GPAT2: variants seen among roughly 807,000 people sequenced by gnomAD.
GPAT2 encodes the protein glycerol-3-phosphate acyltransferase 2, mitochondrial, also known as 1-acylglycerol-3-phosphate O-acyltransferase GPAT2.
In GPAT2, 51 loss-of-function variants were observed where a neutral mutation model predicts 71.0. The ratio of observed to expected loss-of-function variants is 0.72; its 90% CI spans 0.57 to 0.91. The LOEUF is 0.91. GPAT2 is among the 40% of genes least tolerant of loss of function. The pLI, the probability that GPAT2 is intolerant of heterozygous loss-of-function variation, is 0.00. For missense variants in GPAT2, 511 were observed against 666.0 expected (o/e 0.77, Z 2.56); for synonymous variants, 222 against 290.3 (o/e 0.76, Z 2.39).
rs1448447327 is a variant in GPAT2, at chr2:96,031,900, C to A, written c.177+133G>T. ...ACAACCAATACCAGTGCATCCATTC[C>A]CCTGAAAGACAGAAGCAGAGGCATG... On this transcript the variant is annotated intron_variant, in intron 3 of 21. Transcript: ENST00000434632. 142 of 1,017,368 alleles carry A rather than the reference C, an allele frequency of 1.4e-4. 8 individuals carry two copies. Among genetic ancestry groups the A allele is most frequent in the Non-Finnish European group, 2.0e-4 (140 of 717,784 alleles). 63.0% of individuals were successfully genotyped at this position (1,017,368 alleles called of 1,614,324 possible). A position where few individuals can be genotyped will look rare whatever the true frequency, so the allele number is the denominator to read the frequency against.
intron 6 of GPAT2, among the ~76,000 whole-genome samples, chr2:96,030,040 T>C (rs1477139612): frequency 1.1e-5 from 1 of 91,998 alleles, no homozygotes; most frequent in East Asian, 2.2e-4. Context: ...CTCAGGCTAT[T>C]CCCTCTAGCA....
chr2:96,026,315 G>A lies in GPAT2; in HGVS notation c.1033-10C>T. The A allele has an allele frequency of 2.6e-6, 4 of 1,516,524 alleles. No homozygotes were observed. The highest frequency in any genetic ancestry group is 3.5e-6 in the Non-Finnish European group (4 of 1,134,286). 93.9% of individuals were successfully genotyped at this position (1,516,524 alleles called of 1,614,324 possible). A position where few individuals can be genotyped will look rare whatever the true frequency, so the allele number is the denominator to read the frequency against. On this transcript the variant is annotated splice_polypyrimidine_tract_variant and intron_variant, in intron 10 of 21. Transcript: ENST00000434632. ...CCAGGGGGGCCGAGGCCTGCAAGGAGGGAAAGGATAACTATACTCGCCGAG... is the reference window on the plus strand; with the variant it reads ...CCAGGGGGGCCGAGGCCTGCAAGGAAGGAAAGGATAACTATACTCGCCGAG...
chr2:96,026,172 T>C lies in GPAT2; in HGVS notation c.1155+11A>G. On this transcript the variant is annotated intron_variant, in intron 11 of 21. Coordinates refer to ENST00000434632, the MANE Select transcript of GPAT2 (RefSeq NM_001321527.2). ...CCAGGTACTCCCAGCCTTCCCCAGC[T>C]GGCTCCATACCTGCAGGGAAAAGGG... 1 of 1,598,066 alleles carries C rather than the reference T, an allele frequency of 6.3e-7. No homozygotes were observed. The highest frequency in any genetic ancestry group is 1.1e-5 in the South Asian group (1 of 89,080).
chr2:96,024,489 A>G lies in GPAT2; in HGVS notation c.1625T>C (p.Leu542Pro). Residue 542 changes from leucine to proline, a missense_variant, in exon 15 of 22, where the codon CTC becomes CCC. Around this residue, in one of 7 missense-constraint regions of GPAT2, gnomAD observed 295 missense variants for 305.5 expected, o/e 0.97. Coordinates refer to ENST00000434632, the MANE Select transcript of GPAT2 (RefSeq NM_001321527.2). ...LLVVPQPGPG[L>P]THLAQLSAEL... is the part of the protein sequence containing the mutation. ...AGCACTCAGTTGTGCCAGGTGTGTG[A>G]GGCCTGGGCCAGGCTGCGGCACCAC... 4 of 1,613,992 alleles carry G rather than the reference A, an allele frequency of 2.5e-6. No homozygotes were observed. Among genetic ancestry groups the G allele is most frequent in the Non-Finnish European group, 3.4e-6 (4 of 1,179,958 alleles).
At chr2:96,026,034 G>C (rs751004011) in intron 11 of GPAT2, 22 bp from the exon 12 acceptor site, 4 of 1,611,812 alleles carry the variant, frequency 2.5e-6, no homozygotes, top group Non-Finnish European at 3.4e-6. Flanking sequence ...AAGGCTCTTA[G>C]GTGGCCTGCT....
Position 96,030,781 on chromosome 2 carries a change from A to AG in GPAT2, c.318dup (p.Cys107LeufsTer33). ...ATGATCTTCTGTGGGACATCCTGGC[A>AG]GGGGGGGATGTGCTGCTCCAGGGAC... On this transcript the variant is annotated frameshift_variant, in exon 5 of 22. Coordinates refer to ENST00000434632, the MANE Select transcript of GPAT2 (RefSeq NM_001321527.2). LOFTEE classifies it high-confidence loss of function. 4 of 252,270 alleles carry AG rather than the reference A, an allele frequency of 1.6e-5. No individual in the cohort carries two copies. The highest frequency in any genetic ancestry group is 1.2e-4 in the African/African-American group (1 of 8,312). The allele number at this position is 252,270 out of a possible 1,614,324, so 15.6% of individuals were successfully genotyped here.
rs1299572776 is a variant in GPAT2, at chr2:96,023,229, G to T, written c.2047-3C>A. 1.9e-6 allele frequency: 3 copies of T among 1,610,760 alleles called. No homozygotes were observed. The highest frequency in any genetic ancestry group is 2.2e-5 in the East Asian group (1 of 44,746). ...GGGCAGTGTGACTGCTGGCTGAGCT[G>T]GAGGGGACAGGCCGGGGTGAGTGCA... On this transcript the variant is annotated splice_region_variant and splice_polypyrimidine_tract_variant and intron_variant, in intron 18 of 21. Transcript: ENST00000434632.
At position 96,026,166 on chromosome 2, in the gene GPAT2, C is replaced by T; in HGVS notation, c.1155+17G>A. ...GACACCCCAGGTACTCCCAGCCTTC[C>T]CCAGCTGGCTCCATACCTGCAGGGA... On this transcript the variant is annotated intron_variant, in intron 11 of 21. Transcript: ENST00000434632. The T allele has an allele frequency of 6.3e-7, 1 of 1,594,062 alleles. No individual in the cohort carries two copies.
Position 96,026,240 on chromosome 2 carries a change from C to T in GPAT2, c.1098G>A (p.Trp366Ter), listed in dbSNP as rs1336378564. The change falls in exon 11 of 22, where the codon TGG (tryptophan) becomes TGA (stop). Residue 366 changes from tryptophan to a stop codon, truncating the protein, a stop_gained. Coordinates refer to ENST00000434632, the MANE Select transcript of GPAT2 (RefSeq NM_001321527.2). LOFTEE classifies it high-confidence loss of function. Reference sequence around the variant, plus strand: ...GGGAGCAGATCCGGTGGCTGCAGCCCCAGCGGCTCCACAAGCTACGTAGGA... The same window carrying T: ...GGGAGCAGATCCGGTGGCTGCAGCCTCAGCGGCTCCACAAGCTACGTAGGA... Reference protein sequence around the residue: ...LAVLRSLWSRWGCSHRICSRV... With the variant: ...LAVLRSLWSR The T allele has an allele frequency of 6.2e-7, 1 of 1,610,670 alleles. No individual in the cohort carries two copies. The highest frequency in any genetic ancestry group is 8.5e-7 in the Non-Finnish European group (1 of 1,178,908).
At position 96,022,762 on chromosome 2, in the gene GPAT2, A is replaced by G. The variant is rs759434202; in HGVS notation, c.2234-39T>C. ...AGAAGTGAAGGCTCTAGGTAGGGAGAACAGAGAGCCACTGGGCACAGGCTT... is the reference window on the plus strand; with the variant it reads ...AGAAGTGAAGGCTCTAGGTAGGGAGGACAGAGAGCCACTGGGCACAGGCTT... On this transcript the variant is annotated intron_variant, in intron 20 of 21. Transcript: ENST00000434632. The G allele has an allele frequency of 3.1e-6, 5 of 1,613,960 alleles. No homozygotes were observed. In the Admixed American group the frequency reaches 6.7e-5, roughly 22 times the overall value.
rs775866774 is a variant in GPAT2, at chr2:96,024,233, G to C, written c.1792C>G (p.Leu598Val). ...LSQNELYRQILLLMHLLPQDL... is the reference protein window; with the variant it reads ...LSQNELYRQIVLLMHLLPQDL... ...TGCGGCAGCAGGTGCATCAGCAGCAGGATCTGGCGGTACAGCTCATTCTGG... is the reference window on the plus strand; with the variant it reads ...TGCGGCAGCAGGTGCATCAGCAGCACGATCTGGCGGTACAGCTCATTCTGG... The change falls in exon 16 of 22, where the codon CTG (leucine) becomes GTG (valine). Residue 598 changes from leucine (L) to valine (V), a missense_variant. By Grantham distance (32) the Leu-to-Val change is conservative. Coordinates refer to ENST00000434632, the MANE Select transcript of GPAT2 (RefSeq NM_001321527.2). 6.5e-7 allele frequency: 1 copy of C among 1,548,614 alleles called. No individual in the cohort carries two copies. Among genetic ancestry groups the C allele is most frequent in the South Asian group, 1.2e-5 (1 of 82,452 alleles).
At position 96,024,552 on chromosome 2, in the gene GPAT2, T is replaced by G; in HGVS notation, c.1562A>C (p.His521Pro). 2 of 1,613,772 alleles carry G rather than the reference T, an allele frequency of 1.2e-6. No individual in the cohort carries two copies. Among genetic ancestry groups the G allele is most frequent in the Non-Finnish European group, 1.7e-6 (2 of 1,179,898 alleles). The part of the protein sequence containing the change: ...LQHSLSLLRA[H>P]VALLRIRQGD... ...CTGACGGATGCGCAGCAGGGCCACGTGCGCCCGCAGCAGGCTCAGTGAGTG... is the reference window on the plus strand; with the variant it reads ...CTGACGGATGCGCAGCAGGGCCACGGGCGCCCGCAGCAGGCTCAGTGAGTG... The change falls in exon 15 of 22, where the codon CAC (histidine) becomes CCC (proline). Residue 521 changes from histidine to proline, a missense_variant. This residue lies in a region of GPAT2 where 295 missense variants were observed against 305.5 expected (regional missense o/e 0.97). Coordinates refer to ENST00000434632, the MANE Select transcript of GPAT2 (RefSeq NM_001321527.2).
At chr2:96,024,358 A>G (rs770849418) in intron 15 of GPAT2, 21 bp from the exon 16 acceptor site, 2 of 1,601,130 alleles carry the variant, frequency 1.2e-6, no homozygotes, top group East Asian at 2.2e-5. Context: ...AGGGTCCATT[A>G]TGAAGAAGGA....
Position 96,026,742 on chromosome 2 carries a change from G to A in GPAT2, c.987C>T (p.Ala329=), listed in dbSNP as rs1573865482. The A allele has an allele frequency of 3.0e-5, 2 of 66,956 alleles. No homozygotes were observed. The highest frequency in any genetic ancestry group is 1.1e-4 in the South Asian group (1 of 9,252). 4.1% of individuals were successfully genotyped at this position (66,956 alleles called of 1,614,324 possible). A position where few individuals can be genotyped will look rare whatever the true frequency, so the allele number is the denominator to read the frequency against. ...CATCCGGAACCAGGTCATAGGTGACGGCCACTGGTACCAGCAGAGCATCTG... is the reference window on the plus strand; with the variant it reads ...CATCCGGAACCAGGTCATAGGTGACAGCCACTGGTACCAGCAGAGCATCTG... ...IVPDALLVPV[A]VTYDLVPDAP... The change falls in exon 10 of 22, where the codon GCC becomes GCT. Residue 329 remains alanine, a synonymous_variant. Transcript: ENST00000434632.
rs1679900399 is a variant in GPAT2 at position 96,023,182 on chromosome 2, G to A, written c.2091C>T (p.Cys697=). The A allele has an allele frequency of 2.5e-6, 4 of 1,601,440 alleles. No individual in the cohort carries two copies. The highest frequency in any genetic ancestry group is 3.4e-6 in the Non-Finnish European group (4 of 1,174,082). Residue 697 remains cysteine (C), a synonymous_variant, in exon 19 of 22, where the codon TGC becomes TGT. Transcript: ENST00000434632. ...SHCPDFFLFL[C]RLLSPLLKAF... ...CCTTGAGCAGCGGGCTGAGCAGGCG[G>A]CAGAGGAAAAGAAAGAAATCTGGGC...
Position 96,024,821 on chromosome 2 carries a change from C to A in GPAT2, c.1380G>T (p.Val460=). 1 of 1,613,526 alleles carries A rather than the reference C, an allele frequency of 6.2e-7. No homozygotes were observed. The highest frequency in any genetic ancestry group is 1.1e-5 in the South Asian group (1 of 91,064). The change falls in exon 14 of 22, where the codon GTG becomes GTT. Residue 460 remains valine (V), a synonymous_variant. Transcript: ENST00000434632. ...GCGTTGCCATAATGGCCGTGCTCAT[C>A]ACCGCAGAGCTCCCTACACTGGCTG... ...VLSASVGSSA[V]MSTAIMATLL... is the part of the protein sequence containing the mutation.
At position 96,022,674 on chromosome 2, in the gene GPAT2, G is replaced by C. The variant is rs1259841731; in HGVS notation, c.2283C>G (p.Asp761Glu). ...LAISAVWTFRDLGVLQQTPSP... is the reference protein window; with the variant it reads ...LAISAVWTFRELGVLQQTPSP... ...TGACAGTGGCTCCTCTCACCCCTAG[G>C]TCTCTGAAGGTCCAGACAGCACTGA... is the stretch of plus-strand genomic sequence containing the variant. Residue 761 changes from aspartate to glutamate, a missense_variant, in exon 21 of 22, where the codon GAC becomes GAG. Around this residue, in one of 7 missense-constraint regions of GPAT2, gnomAD observed 108 missense variants for 117.6 expected, o/e 0.92. Transcript: ENST00000434632. 3.1e-6 allele frequency: 5 copies of C among 1,613,844 alleles called. No individual in the cohort carries two copies. Among genetic ancestry groups the C allele is most frequent in the Non-Finnish European group, 4.2e-6 (5 of 1,179,852 alleles).
At chr2:96,022,937 G>A in intron 20 of GPAT2, 21 bp downstream of exon 20, 1 of 1,613,742 alleles carries the variant, frequency 6.2e-7, no homozygotes, top group Admixed American at 1.7e-5. Context: ...CAGGAGCCTG[G>A]GCTGACTGGT....
chr2:96,023,381 C>A lies in GPAT2; in HGVS notation c.1974G>T (p.Leu658=). The A allele has an allele frequency of 6.2e-7, 1 of 1,614,208 alleles. No individual in the cohort carries two copies. The highest frequency in any genetic ancestry group is 8.5e-7 in the Non-Finnish European group (1 of 1,180,028). The change falls in exon 18 of 22, where the codon CTG becomes CTT. Residue 658 remains leucine (L), a synonymous_variant. Transcript: ENST00000434632. ...TGRQRLSRKL[L]WKPSGDFTDS... is the part of the protein sequence containing the mutation. ...CAGTAAAGTCCCCACTCGGTTTCCA[C>A]AGCAGCTTTCTGCTCAATCGCTGTC...
Sources: allele counts gnomAD v4.1 joint callset (sites outside exome capture counted in the v4.1 genomes callset), GRCh38; gene constraint gnomAD v4.1.1; regional missense constraint gnomAD v4.1.1; transcripts MANE v1.5; gene names NCBI Gene and HGNC (gene_info 2026-07-23, HGNC 2026-07-21).